The following SH3KBP1 variants were observed in gnomAD, a reference collection of about 807,000 sequenced individuals.
SH3KBP1 encodes the protein SH3 domain-containing kinase-binding protein 1.
SH3KBP1 carries 8 observed loss-of-function variants against 50.1 expected under a neutral mutation model. That is an observed-to-expected ratio of 0.16 (90% confidence interval 0.09 to 0.29). SH3KBP1 has a LOEUF of 0.29. Ranked by LOEUF, SH3KBP1 falls within the 10% of genes least tolerant of loss-of-function variation. The probability of loss-of-function intolerance (pLI) is 1.00; values close to 1 mark genes in which losing one functional copy is unlikely to be tolerated. For missense variants in SH3KBP1, 377 were observed against 535.2 expected, an observed-to-expected ratio of 0.70 and a Z score of 2.92; for synonymous variants, 227 against 218.6, an observed-to-expected ratio of 1.04 and a Z score of -0.34.
intron 3 of SH3KBP1, among the ~76,000 whole-genome samples, chrX:19,731,495 C>T (rs1196927356): frequency 1.8e-5 from 2 of 111,521 alleles, no homozygotes; most frequent in Admixed American, 1.9e-4. Flanking sequence ...CCTTCTCTCT[C>T]TCTAGTAAAC....
At chrX:19,605,631 C>T (rs2067222426) in intron 9 of SH3KBP1, among the ~76,000 whole-genome samples, 1 of 111,577 alleles carries the variant, frequency 9.0e-6, no homozygotes, top group Non-Finnish European at 1.9e-5. Context: ...AGTGTCCTTT[C>T]AGAAGAGTCT....
At chrX:19,603,357 G>A (rs767123764) in intron 9 of SH3KBP1, among the ~76,000 whole-genome samples, 1 of 112,379 alleles carries the variant, frequency 8.9e-6, no homozygotes, top group Admixed American at 9.4e-5. Flanking sequence ...AAAATGACCG[G>A]GGCAGGCAGA....
intron 3 of SH3KBP1, among the ~76,000 whole-genome samples, chrX:19,730,933 T>A (rs188998408): frequency 1.3e-4 from 15 of 112,077 alleles, no homozygotes; most frequent in African/African-American, 4.2e-4. Context: ...TATTTTATTT[T>A]ATTTATTTGT....
At position 19,645,548 on chromosome X, in the gene SH3KBP1, CA is replaced by C. The variant is rs1376507623; in HGVS notation, c.727-74del. 3.9e-5 allele frequency: 33 copies of C among 842,553 alleles called. No homozygotes were observed. The African/African-American group carries it at 6.1e-4, about 16-fold the overall frequency. 69.4% of individuals were successfully genotyped at this position (842,553 alleles called of 1,213,427 possible). A position where few individuals can be genotyped will look rare whatever the true frequency, so the allele number is the denominator to read the frequency against. On this transcript the variant is annotated intron_variant, in intron 6 of 17. Coordinates refer to ENST00000397821, the MANE Select transcript of SH3KBP1 (RefSeq NM_031892.3). ...TTAAGCAAAGGAATAAGATCCAGAT[CA>C]TAATGACAAAATGCTCGAAATTGGT...
chrX:19,751,537 G>T (rs1221445894), intron 2 of SH3KBP1, among the ~76,000 whole-genome samples: 2 of 111,581 alleles, frequency 1.8e-5, no homozygotes, highest in African/African-American at 6.5e-5. Flanking sequence ...AACAGACAGG[G>T]TATCAGCAAA....
chrX:19,887,218 G>C, intron 1 of SH3KBP1, 89 bp downstream of exon 1: 1 of 823,983 alleles, frequency 1.2e-6, no homozygotes, highest in Non-Finnish European at 1.5e-6. Flanking sequence ...CCTGCCCCCG[G>C]GGCGCCCTCC....
At chrX:19,760,249 C>T (rs768286305) in intron 2 of SH3KBP1, among the ~76,000 whole-genome samples, 3 of 108,731 alleles carry the variant, frequency 2.8e-5, no homozygotes, top group African/African-American at 1.0e-4. Flanking sequence ...AAGCCAGGCG[C>T]GGTGGCAGGC....
chrX:19,606,215 C>T (rs2067240099), intron 9 of SH3KBP1, among the ~76,000 whole-genome samples: 1 of 112,224 alleles, frequency 8.9e-6, no homozygotes, highest in Non-Finnish European at 1.9e-5. Context: ...CAATTATTCT[C>T]ATGATTTTAT....
intron 1 of SH3KBP1, among the ~76,000 whole-genome samples, chrX:19,886,817 C>T (rs1796559682): frequency 1.0e-5 from 1 of 98,574 alleles, no homozygotes; most frequent in African/African-American, 3.8e-5. Context: ...CCCCCCAACC[C>T]CTGTCAACCC....
chrX:19,657,645 T>G (rs1365265373), intron 6 of SH3KBP1, among the ~76,000 whole-genome samples: 1 of 107,126 alleles, frequency 9.3e-6, no homozygotes, highest in African/African-American at 3.4e-5. Context: ...GGAGAATCGC[T>G]TGAACCCGGG....
chrX:19,581,445 T>C (rs754504095), intron 12 of SH3KBP1, among the ~76,000 whole-genome samples: 6 of 112,319 alleles, frequency 5.3e-5, no homozygotes, highest in Non-Finnish European at 7.5e-5. Flanking sequence ...CCTGCTGACT[T>C]AGGGAACATT....
intron 2 of SH3KBP1, among the ~76,000 whole-genome samples, chrX:19,814,203 C>G (rs1037018651): frequency 9.0e-6 from 1 of 111,057 alleles, no homozygotes; most frequent in Non-Finnish European, 1.9e-5. Flanking sequence ...GCTGTACTTA[C>G]AGAAATATCC....
chrX:19,805,582 T>G (rs2067021733), intron 2 of SH3KBP1, among the ~76,000 whole-genome samples: 1 of 102,232 alleles, frequency 9.8e-6, no homozygotes, highest in Admixed American at 1.1e-4. Context: ...CAGCCAAGAC[T>G]CCCAGAAGTT....
intron 6 of SH3KBP1, among the ~76,000 whole-genome samples, chrX:19,658,779 G>A (rs2062365116): frequency 9.0e-6 from 1 of 110,503 alleles, no homozygotes; most frequent in African/African-American, 3.3e-5. Context: ...GGCTGCTCTC[G>A]AACTCCTGAC....
intron 5 of SH3KBP1, among the ~76,000 whole-genome samples, chrX:19,692,200 G>A (rs1010214865): frequency 4.5e-5 from 5 of 111,220 alleles, no homozygotes; most frequent in South Asian, 3.7e-4. Context: ...CAATACAATC[G>A]TTGCAATTCT....
intron 2 of SH3KBP1, among the ~76,000 whole-genome samples, chrX:19,762,273 C>T (rs1412972542): frequency 1.8e-5 from 2 of 111,787 alleles, no homozygotes; most frequent in African/African-American, 6.5e-5. Context: ...GACCAGTATG[C>T]CTTTGGAGGG....
In SH3KBP1 at chrX:19,703,696, C is replaced by CCGTGTG. The variant is rs2063578993; in HGVS notation, c.390+3184_390+3185insCACACG. The stretch of plus-strand genomic sequence containing the variant: ...TTATCTGTCAGGGCAAAAAGAGAAA[C>CCGTGTG]TGTGTGTGTGTGTGTGTGTGTGTGT... On this transcript the variant is annotated intron_variant, in intron 4 of 17. Transcript: ENST00000397821. 4.7e-5 allele frequency among the ~76,000 whole-genome samples: 3 copies of CCGTGTG among 63,503 alleles called. No homozygotes were observed. The South Asian group carries it at 3.6e-3, about 75-fold the overall frequency. 55.1% of individuals were successfully genotyped at this position (63,503 alleles called of 115,157 possible).
intron 6 of SH3KBP1, among the ~76,000 whole-genome samples, chrX:19,677,288 G>A (rs1267226240): frequency 9.0e-6 from 1 of 111,546 alleles, no homozygotes; most frequent in African/African-American, 3.3e-5. Context: ...AAAAAGGGAA[G>A]GAGTTTAGAA....
intron 13 of SH3KBP1, among the ~76,000 whole-genome samples, chrX:19,553,930 TATATAATATATAATATATATTAAAATATA>T (rs2065328516): frequency 4.7e-5 from 2 of 42,617 alleles, no homozygotes; most frequent in African/African-American, 1.6e-4. Context: ...AATATTAAAA[TATATAATATATAATATATATTAAAATATA>T]ATATATAATA....
Sources: allele counts gnomAD v4.1 joint callset (sites outside exome capture counted in the v4.1 genomes callset), GRCh38; gene constraint gnomAD v4.1.1; transcripts MANE v1.5; gene names NCBI Gene and HGNC (gene_info 2026-07-23, HGNC 2026-07-21).